EBF1: variants seen among roughly 807,000 people sequenced by gnomAD.
EBF1 encodes transcription factor COE1.
In EBF1, 10 loss-of-function variants were observed where a neutral mutation model predicts 68.4. The ratio of observed to expected loss-of-function variants is 0.15; its 90% CI spans 0.09 to 0.25. EBF1 has a LOEUF of 0.25. Among genes scored for constraint, EBF1 ranks in the 10% least tolerant of loss-of-function variants. EBF1 has a pLI of 1.00. For synonymous variants in EBF1, 298 were observed against 299.8 expected (o/e 0.99, Z 0.06); for missense variants, 509 against 794.4 (o/e 0.64, Z 4.32).
intron 11 of EBF1, among the ~76,000 whole-genome samples, chr5:158,725,836 ACGTTTCTTAATC>A (rs1338488378): frequency 6.6e-6 from 1 of 152,140 alleles, no homozygotes; most frequent in Non-Finnish European, 1.5e-5. Flanking sequence ...TAGGGGTTTC[ACGTTTCTTAATC>A]CGTTCCTTAA....
chr5:158,992,419 T>C (rs1760518742), intron 6 of EBF1, among the ~76,000 whole-genome samples: 1 of 152,162 alleles, frequency 6.6e-6, no homozygotes, highest in African/African-American at 2.4e-5. Context: ...GATCCATTTC[T>C]CTTCCCTTCT....
rs752973421 is a variant in EBF1 at position 159,030,947 on chromosome 5, CGGA to C, written c.554+42446_554+42448del. 1.8e-3 allele frequency among the ~76,000 whole-genome samples: 280 copies of C among 152,104 alleles called. 2 individuals carry two copies. The highest frequency in any genetic ancestry group is 2.2e-3 in the Non-Finnish European group (149 of 67,960). On this transcript the variant is annotated intron_variant, in intron 6 of 15. Coordinates refer to ENST00000313708, the MANE Select transcript of EBF1 (RefSeq NM_024007.5). ...CAGCACTTTCGGAGCTCGAGGCAGGCGGATTACCTGAGGTTGGGAGTTCAAGAC... is the reference window on the plus strand; with the variant it reads ...CAGCACTTTCGGAGCTCGAGGCAGGCTTACCTGAGGTTGGGAGTTCAAGAC...
At chr5:159,056,604 A>C (rs1199506174) in intron 6 of EBF1, among the ~76,000 whole-genome samples, 1 of 152,204 alleles carries the variant, frequency 6.6e-6, no homozygotes, top group Non-Finnish European at 1.5e-5. Flanking sequence ...AACTGTACAC[A>C]AAAGTGGTTT....
intron 6 of EBF1, among the ~76,000 whole-genome samples, chr5:158,955,011 C>T (rs995984603): frequency 1.3e-5 from 2 of 152,008 alleles, no homozygotes; most frequent in Non-Finnish European, 2.9e-5. Context: ...CCCACCAATC[C>T]TCAGGGGAAA....
chr5:158,753,771 T>C (rs1769443334), intron 10 of EBF1, among the ~76,000 whole-genome samples: 1 of 152,134 alleles, frequency 6.6e-6, no homozygotes, highest in Non-Finnish European at 1.5e-5. Flanking sequence ...AAATTCTCCA[T>C]GGCCTATGTT....
intron 8 of EBF1, among the ~76,000 whole-genome samples, chr5:158,815,337 A>G (rs1783500855): frequency 6.6e-6 from 1 of 152,160 alleles, no homozygotes; most frequent in Non-Finnish European, 1.5e-5. Context: ...TCCAATTCTA[A>G]TTAGTTCTGC....
intron 6 of EBF1, among the ~76,000 whole-genome samples, chr5:159,038,690 C>T (rs771484533): frequency 3.9e-5 from 6 of 152,164 alleles, no homozygotes; most frequent in East Asian, 1.9e-4. Context: ...ATAATATTTG[C>T]GCTGTTTTGG....
chr5:158,734,790 T>C (rs956975569), intron 10 of EBF1, among the ~76,000 whole-genome samples: 3 of 151,936 alleles, frequency 2.0e-5, no homozygotes, highest in Non-Finnish European at 4.4e-5. Flanking sequence ...GCATCTTAGA[T>C]TGAAAAAAGA....
chr5:158,804,561 G>A (rs1308026499), intron 8 of EBF1, among the ~76,000 whole-genome samples: 1 of 152,112 alleles, frequency 6.6e-6, no homozygotes, highest in Non-Finnish European at 1.5e-5. Flanking sequence ...TGACAATTTA[G>A]CAGTAAGAAA....
intron 6 of EBF1, among the ~76,000 whole-genome samples, chr5:158,918,274 T>C (rs1479470345): frequency 2.0e-5 from 3 of 152,240 alleles, no homozygotes; most frequent in African/African-American, 4.8e-5. Context: ...ATCAGCATCA[T>C]CTAGCTTCTC....
rs544019508 is a variant in EBF1, at chr5:158,906,407, T to A, written c.555-66297A>T. On this transcript the variant is annotated intron_variant, in intron 6 of 15. Transcript: ENST00000313708. ...AAGCATCCTTTTTCCAGGCAAACCA[T>A]TCTATACAAAAACAACTCAAAATTC... Among the ~76,000 whole-genome samples the A allele has an allele frequency of 5.3e-5, 8 of 151,586 alleles. No individual in the cohort carries two copies. In the South Asian group the frequency reaches 1.7e-3, roughly 32 times the overall value.
chr5:158,830,430 C>T (rs1175720769), intron 7 of EBF1, among the ~76,000 whole-genome samples: 2 of 152,162 alleles, frequency 1.3e-5, no homozygotes, highest in Non-Finnish European at 1.5e-5. Context: ...ACCACCACAC[C>T]CAGCTAATTT....
At chr5:158,804,541 C>A (rs768335134) in intron 8 of EBF1, among the ~76,000 whole-genome samples, 2 of 152,048 alleles carry the variant, frequency 1.3e-5, no homozygotes, top group South Asian at 2.1e-4. Flanking sequence ...GTTCATTACA[C>A]GGGGTTATTT....
intron 6 of EBF1, chr5:158,983,172 C>G (rs990151906): frequency 1.6e-4 from 25 of 152,100 alleles, no homozygotes; most frequent in African/African-American, 4.6e-4. Context: ...TAAGGGTTCT[C>G]TTTGTCAGGA....
intron 6 of EBF1, among the ~76,000 whole-genome samples, chr5:159,066,630 GAC>G (rs34606310): frequency 0.12 from 17,145 of 148,360 alleles, 2,106 homozygotes; most frequent in East Asian, 0.41. Flanking sequence ...TACATGCACA[GAC>G]ACACACACAC....
chr5:158,909,060 C>G (rs1306103412), intron 6 of EBF1, among the ~76,000 whole-genome samples: 1 of 151,174 alleles, frequency 6.6e-6, no homozygotes, highest in Non-Finnish European at 1.5e-5. Context: ...GGCTGGGAAG[C>G]CAGCAGGGAA....
In EBF1 at chr5:158,762,784, C is replaced by T. The variant is rs555662770; in HGVS notation, c.1036+14629G>A. Among the ~76,000 whole-genome samples the T allele has an allele frequency of 1.2e-3, 178 of 152,318 alleles. 1 individual carries two copies. Among genetic ancestry groups the T allele is most frequent in the African/African-American group, 4.1e-3 (169 of 41,578 alleles). On this transcript the variant is annotated intron_variant, in intron 10 of 15. Coordinates refer to ENST00000313708, the MANE Select transcript of EBF1 (RefSeq NM_024007.5). ...TCTCCTGACCTCGTGATCCGCCTGC[C>T]TCGGCCTCCCAAAGTGCTGGGATTA...
intron 10 of EBF1, among the ~76,000 whole-genome samples, chr5:158,739,309 T>C (rs1765823151): frequency 6.6e-6 from 1 of 152,190 alleles, no homozygotes; most frequent in Non-Finnish European, 1.5e-5. Flanking sequence ...GAACCTCCAA[T>C]AATTAGGAGA....
At chr5:159,075,719 C>T (rs1019886568) in intron 5 of EBF1, among the ~76,000 whole-genome samples, 30 of 152,176 alleles carry the variant, frequency 2.0e-4, no homozygotes, top group African/African-American at 6.3e-4. Context: ...CTGCCCAAGA[C>T]TTTTTAATGG....
Sources: allele counts gnomAD v4.1 joint callset (sites outside exome capture counted in the v4.1 genomes callset), GRCh38; gene constraint gnomAD v4.1.1; transcripts MANE v1.5; gene names NCBI Gene and HGNC (gene_info 2026-07-23, HGNC 2026-07-21).